FMN2: variants seen among roughly 807,000 people sequenced by gnomAD.
The protein encoded by FMN2 is formin 2.
FMN2 carries 51 observed loss-of-function variants against 142.3 expected under a neutral mutation model. The observed-to-expected ratio is 0.36, with a 90% confidence interval of 0.29 to 0.45. The LOEUF is 0.45. Among genes scored for constraint, FMN2 ranks in the 20% least tolerant of loss-of-function variants. The pLI is 1.00. For missense variants in FMN2, 1,936 were observed against 2,122.8 expected, an observed-to-expected ratio of 0.91 and a Z score of 1.73; for synonymous variants, 882 against 869.8, an observed-to-expected ratio of 1.01 and a Z score of -0.25.
At chr1:240,367,574 C>T (rs547553078) in intron 14 of FMN2, among the ~76,000 whole-genome samples, 8 of 151,982 alleles carry the variant, frequency 5.3e-5, no homozygotes, top group African/African-American at 1.9e-4. Context: ...CGAGACCATC[C>T]TGGCTAACAC....
At chr1:240,350,000 T>C (rs2103039128) in intron 13 of FMN2, among the ~76,000 whole-genome samples, 1 of 152,168 alleles carries the variant, frequency 6.6e-6, no homozygotes, top group South Asian at 2.1e-4. Flanking sequence ...TTGAGGATGA[T>C]AAGTAATAGC....
intron 1 of FMN2, among the ~76,000 whole-genome samples, chr1:240,102,130 T>G (rs1417331557): frequency 1.3e-5 from 2 of 152,196 alleles, no homozygotes; most frequent in Non-Finnish European, 2.9e-5. Context: ...AAATACTTTT[T>G]ATGAGTCTGT....
Position 240,093,446 on chromosome 1 carries a change from G to T in FMN2, c.1337G>T (p.Arg446Leu). 2 of 1,613,598 alleles carry T rather than the reference G, an allele frequency of 1.2e-6. No individual in the cohort carries two copies. The highest frequency in any genetic ancestry group is 1.7e-6 in the Non-Finnish European group (2 of 1,179,754). The change falls in exon 1 of 18, where the codon CGG (arginine) becomes CTG (leucine). Residue 446 changes from arginine (R) to leucine (L), a missense_variant. Coordinates refer to ENST00000319653, the MANE Select transcript of FMN2 (RefSeq NM_020066.5). ...SPNQSPRIKR[R>L]PEPSLSRGSR... ...AATCAGAGCCCCAGGATCAAGAGGC[G>T]GCCGGAACCCTCCCTGAGCCGAGGG... is the stretch of plus-strand genomic sequence containing the variant.
chr1:240,143,063 GGTAAGT>G (rs1345113736), intron 2 of FMN2: 1 of 1,504,398 alleles, frequency 6.6e-7, no homozygotes, highest in Non-Finnish European at 9.2e-7. Flanking sequence ...AGGGGCAGAG[GGTAAGT>G]GTACCCTTCC....
intron 2 of FMN2, among the ~76,000 whole-genome samples, chr1:240,158,573 T>C (rs913993558): frequency 6.6e-6 from 1 of 152,062 alleles, no homozygotes; most frequent in African/African-American, 2.4e-5. Flanking sequence ...TCAAATACTT[T>C]TATAAAAATC....
At chr1:240,461,451 G>C (rs74149138) in intron 16 of FMN2, among the ~76,000 whole-genome samples, 2 of 152,130 alleles carry the variant, frequency 1.3e-5, no homozygotes, top group African/African-American at 4.8e-5. Context: ...TGCTGGGCAT[G>C]GAATAGAGAG....
chr1:240,332,677 G>T (rs775772111), intron 11 of FMN2, among the ~76,000 whole-genome samples: 1 of 152,178 alleles, frequency 6.6e-6, no homozygotes, highest in South Asian at 2.1e-4. Context: ...CAAGAAATAC[G>T]TTTTTAAAAT....
intron 15 of FMN2, among the ~76,000 whole-genome samples, chr1:240,395,641 G>A (rs1445267253): frequency 6.6e-6 from 1 of 152,206 alleles, no homozygotes; most frequent in African/African-American, 2.4e-5. Flanking sequence ...AACTGCAAAT[G>A]TGGTAGAAAT....
chr1:240,213,240 A>G (rs1666762196), intron 6 of FMN2, among the ~76,000 whole-genome samples: 1 of 152,090 alleles, frequency 6.6e-6, no homozygotes, highest in African/African-American at 2.4e-5. Context: ...GACTTTGCCA[A>G]TATCCTCATT....
At chr1:240,145,759 C>T (rs1482095511) in intron 2 of FMN2, among the ~76,000 whole-genome samples, 4 of 151,910 alleles carry the variant, frequency 2.6e-5, no homozygotes, top group African/African-American at 9.7e-5. Flanking sequence ...ATCCTCCTGC[C>T]TCAGCCTCCC....
intron 2 of FMN2, among the ~76,000 whole-genome samples, chr1:240,136,624 T>G (rs929261757): frequency 6.6e-6 from 1 of 152,166 alleles, no homozygotes; most frequent in Non-Finnish European, 1.5e-5. Context: ...TGATGGACTT[T>G]TATTAAAAGG....
At chr1:240,393,709 G>T (rs945840876) in intron 15 of FMN2, among the ~76,000 whole-genome samples, 2 of 152,166 alleles carry the variant, frequency 1.3e-5, no homozygotes, top group African/African-American at 4.8e-5. Context: ...TGAATGCAAA[G>T]AAAAAGTTCT....
chr1:240,416,756 CTT>C (rs1368151232), intron 15 of FMN2, among the ~76,000 whole-genome samples: 1 of 94,100 alleles, frequency 1.1e-5, no homozygotes, highest in East Asian at 2.1e-4. Context: ...TTATCTCTCT[CTT>C]CTTTTTTTTT....
intron 16 of FMN2, among the ~76,000 whole-genome samples, chr1:240,449,558 G>A (rs931554901): frequency 2.0e-5 from 3 of 152,140 alleles, no homozygotes; most frequent in South Asian, 2.1e-4. Flanking sequence ...CTGAAGAACC[G>A]GCTATAGAAT....
intron 8 of FMN2, among the ~76,000 whole-genome samples, chr1:240,307,337 A>C (rs1308736429): frequency 6.6e-6 from 1 of 152,188 alleles, no homozygotes; most frequent in Non-Finnish European, 1.5e-5. Context: ...TGTCTAAAAG[A>C]GTATTTCCTA....
intron 16 of FMN2, among the ~76,000 whole-genome samples, chr1:240,443,831 A>G (rs1158599836): frequency 6.6e-6 from 1 of 152,236 alleles, no homozygotes; most frequent in South Asian, 2.1e-4. Context: ...TCTACCAAGC[A>G]TCTCCCTAAG....
At chr1:240,121,715 GC>G (rs1477953232) in intron 1 of FMN2, among the ~76,000 whole-genome samples, 2 of 96,554 alleles carry the variant, frequency 2.1e-5, no homozygotes, top group African/African-American at 4.2e-5. Flanking sequence ...TGCCTCTCTT[GC>G]CTTTTTTTAG....
chr1:240,207,696 G>A lies in FMN2; in HGVS notation c.2884G>A (p.Ala962Thr), dbSNP rs760737976. The change falls in exon 5 of 18, where the codon GCA becomes ACA. Residue 962 changes from alanine (A) to threonine (T), a missense_variant. Ala to Thr is a moderately conservative substitution (Grantham distance 58). Transcript: ENST00000319653. ...ACCCCCTCCGCCCCCTCTTCCCGGG[G>A]CAGGCATACCCCTTCCTCCCCCTCT... is the stretch of plus-strand genomic sequence containing the variant. ...AIPPPPPLPG[A>T]GIPLPPPLPG... The A allele has an allele frequency of 9.0e-6, 13 of 1,437,862 alleles. No individual in the cohort carries two copies. The highest frequency in any genetic ancestry group is 1.2e-5 in the Non-Finnish European group (13 of 1,048,252). 89.1% of individuals were successfully genotyped at this position (1,437,862 alleles called of 1,614,324 possible).
Position 240,386,701 on chromosome 1 carries a change from A to G in FMN2, c.4859-5810A>G, listed in dbSNP as rs141478244. ...GAGGTAGAAATGTGGAGTCGGATAT[A>G]TTAGTGCCGTTGGAGAAGATATCAC... On this transcript the variant is annotated intron_variant, in intron 14 of 17. Transcript: ENST00000319653. 2.3e-3 allele frequency among the ~76,000 whole-genome samples: 347 copies of G among 152,324 alleles called. 4 individuals carry two copies. The highest frequency in any genetic ancestry group is 8.1e-3 in the African/African-American group (335 of 41,596).
Sources: allele counts gnomAD v4.1 joint callset (sites outside exome capture counted in the v4.1 genomes callset), GRCh38; gene constraint gnomAD v4.1.1; transcripts MANE v1.5; gene names NCBI Gene and HGNC (gene_info 2026-07-23, HGNC 2026-07-21).